MYH15: variants seen among roughly 807,000 people sequenced by gnomAD.
The protein encoded by MYH15 is myosin heavy chain 15, also known as myosin-15.
Under a neutral mutation model 240.5 loss-of-function variants are expected in MYH15, and 227 were observed. That is an observed-to-expected ratio of 0.94 (90% CI 0.85 to 1.05). MYH15 has a LOEUF of 1.05. MYH15 is among the 50% of genes least tolerant of loss of function. MYH15 has a pLI of 0.00. For missense variants in MYH15, 2,217 were observed against 2,247.5 expected (o/e 0.99, Z 0.27); for synonymous variants, 785 against 796.7 (o/e 0.99, Z 0.25).
intron 15 of MYH15, among the ~76,000 whole-genome samples, chr3:108,464,069 G>A (rs1346559758): frequency 6.6e-6 from 1 of 152,094 alleles, no homozygotes; most frequent in African/African-American, 2.4e-5. Context: ...ACAGCTGGCA[G>A]GCCATTTTTA....
intron 12 of MYH15, among the ~76,000 whole-genome samples, chr3:108,471,405 G>A (rs2083175854): frequency 6.6e-6 from 1 of 152,078 alleles, no homozygotes; most frequent in Admixed American, 6.6e-5. Context: ...ATCCCCAGCT[G>A]ATTCCTATTG....
chr3:108,488,657 A>G (rs915818155), intron 9 of MYH15, among the ~76,000 whole-genome samples: 1 of 152,090 alleles, frequency 6.6e-6, no homozygotes, highest in African/African-American at 2.4e-5. Context: ...TTGTGTATAT[A>G]TACCACATTT....
the MYH15 span, among the ~76,000 whole-genome samples, chr3:108,538,547 G>A: frequency 6.6e-6 from 1 of 152,184 alleles, no homozygotes; most frequent in East Asian, 1.9e-4. Flanking sequence ...AGATTGGGAA[G>A]AAGATAAAAA....
At chr3:108,513,548 G>A (rs2083536595), upstream of MYH15, among the ~76,000 whole-genome samples, 1 of 152,150 alleles carries the variant, frequency 6.6e-6, no homozygotes, top group Non-Finnish European at 1.5e-5. Flanking sequence ...ACTATGCTCA[G>A]AAGTGTGCAT....
At chr3:108,500,923 T>C (rs189603552) in intron 3 of MYH15, among the ~76,000 whole-genome samples, 401 of 152,218 alleles carry the variant, frequency 2.6e-3, no homozygotes, top group African/African-American at 9.0e-3. Flanking sequence ...AAAGGAATGC[T>C]AGAGCCGCTA....
chr3:108,435,025 G>A (rs1308805677), intron 25 of MYH15, among the ~76,000 whole-genome samples: 2 of 152,132 alleles, frequency 1.3e-5, no homozygotes, highest in Non-Finnish European at 1.5e-5. Context: ...GACCGCCTGT[G>A]TATGTTCTTT....
intron 1 of MYH15, among the ~76,000 whole-genome samples, chr3:108,527,631 A>G (rs2107276240): frequency 6.6e-6 from 1 of 152,268 alleles, no homozygotes; most frequent in South Asian, 2.1e-4. Flanking sequence ...ATTTCTCAGT[A>G]TCTACACTAG....
chr3:108,454,735 G>T (rs543751354), intron 20 of MYH15, among the ~76,000 whole-genome samples: 8 of 152,106 alleles, frequency 5.3e-5, no homozygotes, highest in Non-Finnish European at 8.8e-5. Context: ...ATTTTTTCAA[G>T]AATGATTACT....
intron 30 of MYH15, among the ~76,000 whole-genome samples, chr3:108,411,148 T>C (rs965554789): frequency 6.6e-6 from 1 of 152,146 alleles, no homozygotes; most frequent in African/African-American, 2.4e-5. Context: ...GTCTTTATTT[T>C]CCCCCTTTGC....
chr3:108,490,124 T>C (rs1282411175), intron 9 of MYH15, among the ~76,000 whole-genome samples: 1 of 152,142 alleles, frequency 6.6e-6, no homozygotes, highest in Non-Finnish European at 1.5e-5. Flanking sequence ...TTAGATTTGA[T>C]AGGACTAATC....
chr3:108,437,139 A>G (rs1243715729), intron 25 of MYH15, among the ~76,000 whole-genome samples: 1 of 151,662 alleles, frequency 6.6e-6, no homozygotes, highest in Non-Finnish European at 1.5e-5. Flanking sequence ...TGGCAAACAT[A>G]TATTATTTAA....
Position 108,455,730 on chromosome 3 carries a change from G to A in MYH15, c.2262+6C>T. The A allele has an allele frequency of 5.6e-6, 9 of 1,613,288 alleles. No homozygotes were observed. Among genetic ancestry groups the A allele is most frequent in the Non-Finnish European group, 7.6e-6 (9 of 1,179,448 alleles). On this transcript the variant is annotated splice_donor_region_variant and intron_variant, in intron 20 of 40. Transcript: ENST00000693548. ...CCAAATGCATTCTTTGCAGTTTTCT[G>A]GTTACCTTAGTGATTCCAAATCGGT...
chr3:108,470,043 T>G lies in MYH15; in HGVS notation c.1553A>C (p.Lys518Thr). Residue 518 changes from lysine to threonine, a missense_variant and splice_region_variant, in exon 14 of 41, where the codon AAG becomes ACG. Coordinates refer to ENST00000693548, the MANE Select transcript of MYH15 (RefSeq NM_014981.3). Reference sequence around the variant, plus strand: ...GACAAAGAGAAAAACATATATTACCTTCTCAATGAGATCTATGCAAGCTTG... The same window carrying G: ...GACAAAGAGAAAAACATATATTACCGTCTCAATGAGATCTATGCAAGCTTG... ...DLQACIDLIE[K>T]PMGILSILEE... The G allele has an allele frequency of 6.3e-7, 1 of 1,591,682 alleles. No individual in the cohort carries two copies. The highest frequency in any genetic ancestry group is 8.5e-7 in the Non-Finnish European group (1 of 1,173,012).
chr3:108,460,653 A>G (rs1285636222), intron 16 of MYH15, among the ~76,000 whole-genome samples: 1 of 152,196 alleles, frequency 6.6e-6, no homozygotes, highest in East Asian at 1.9e-4. Flanking sequence ...AATGCACATC[A>G]TAGGAGATTA....
chr3:108,463,264 C>A (rs2083086166), intron 15 of MYH15, 21 bp from the exon 16 acceptor site: 5 of 1,577,268 alleles, frequency 3.2e-6, no homozygotes, highest in Admixed American at 4.1e-5. Context: ...GCATGCATTT[C>A]AGGTTAAAAA....
intron 27 of MYH15, 66 bp downstream of exon 27, chr3:108,428,426 C>A: frequency 6.6e-7 from 1 of 1,517,136 alleles, no homozygotes; most frequent in African/African-American, 1.4e-5. Flanking sequence ...TTTCCCTCCC[C>A]TCCCATTTCT....
intron 1 of MYH15, among the ~76,000 whole-genome samples, chr3:108,507,026 A>C (rs1319249456): frequency 6.6e-6 from 1 of 152,090 alleles, no homozygotes; most frequent in African/African-American, 2.4e-5. Flanking sequence ...GTGATACTCT[A>C]TCTCAAAAAT....
the MYH15 span, among the ~76,000 whole-genome samples, chr3:108,548,416 C>T: frequency 6.6e-6 from 1 of 152,056 alleles, no homozygotes; most frequent in African/African-American, 2.4e-5. Flanking sequence ...AATGTAACAT[C>T]TAATAGCAAA....
intron 1 of MYH15, among the ~76,000 whole-genome samples, chr3:108,524,728 A>G (rs1023073142): frequency 1.3e-5 from 2 of 152,066 alleles, no homozygotes; most frequent in African/African-American, 4.8e-5. Context: ...AAAAACCTCA[A>G]AATAACAATG....
Sources: gnomAD v4.1 joint callset for allele counts (sites outside exome capture counted in the v4.1 genomes callset) on GRCh38, gnomAD v4.1.1 for gene constraint, MANE v1.5 for transcripts, NCBI Gene and HGNC (gene_info 2026-07-23, HGNC 2026-07-21) for gene names.